GRIA1: variants seen among roughly 807,000 people sequenced by gnomAD.
GRIA1 encodes glutamate ionotropic receptor AMPA type subunit 1, also known as glutamate receptor 1.
GRIA1 carries 31 observed loss-of-function variants against 99.2 expected under a neutral mutation model. The observed-to-expected ratio is 0.31, with a 90% CI of 0.23 to 0.42. The LOEUF (loss-of-function observed/expected upper bound fraction) is 0.42. Ranked by LOEUF, GRIA1 falls within the 10% of genes least tolerant of loss-of-function variation. The pLI, the probability that GRIA1 is intolerant of heterozygous loss-of-function variation, is 1.00. For missense variants in GRIA1, 782 were observed against 1,157.5 expected, an observed-to-expected ratio of 0.68 and a Z score of 4.71; for synonymous variants, 438 against 432.4, an observed-to-expected ratio of 1.01 and a Z score of -0.16.
At chr5:153,623,397 C>G (rs774575428) in intron 2 of GRIA1, among the ~76,000 whole-genome samples, 1 of 152,120 alleles carries the variant, frequency 6.6e-6, no homozygotes, top group Non-Finnish European at 1.5e-5. Context: ...CTTCAAGGAA[C>G]CTTAGAGCTC....
rs1422950576 is a variant in GRIA1 at position 153,804,728 on chromosome 5, AATTAATTT to A, written c.2520+2242_2520+2249del. Among the ~76,000 whole-genome samples, 26 of 136,194 alleles carry A rather than the reference AATTAATTT, an allele frequency of 1.9e-4. 1 individual carries two copies. The highest frequency in any genetic ancestry group is 4.1e-4 in the African/African-American group (15 of 36,928). The allele number at this position is 136,194 out of a possible 152,430, so 89.3% of individuals were successfully genotyped here. On this transcript the variant is annotated intron_variant, in intron 15 of 15. Coordinates refer to ENST00000285900, the MANE Select transcript of GRIA1 (RefSeq NM_000827.4). Reference sequence around the variant, plus strand: ...TCTGATCCTTATTAATTAATTAATTAATTAATTTATTTATTTATTTATTTATTTATTTA... The same window carrying A: ...TCTGATCCTTATTAATTAATTAATTAATTTATTTATTTATTTATTTATTTA...
At chr5:153,674,953 A>G (rs1756459554) in intron 6 of GRIA1, among the ~76,000 whole-genome samples, 1 of 152,042 alleles carries the variant, frequency 6.6e-6, no homozygotes, top group African/African-American at 2.4e-5. Context: ...GGCTTCTTGT[A>G]CCTTCTTGCT....
Position 153,811,075 on chromosome 5 carries a change from G to T in GRIA1, c.2571G>T (p.Ser857=). The stretch of plus-strand genomic sequence containing the variant: ...CCATCAACGAAGCCATACGGACATC[G>T]ACCCTCCCCCGCAACAGCGGGGCAG... ...QQSINEAIRT[S]TLPRNSGAGA... Residue 857 remains serine (S), a synonymous_variant, in exon 16 of 16, where the codon TCG becomes TCT. Transcript: ENST00000285900. The T allele has an allele frequency of 6.2e-7, 1 of 1,614,030 alleles. No individual in the cohort carries two copies. The highest frequency in any genetic ancestry group is 8.5e-7 in the Non-Finnish European group (1 of 1,179,968).
chr5:153,730,430 A>G (rs1052692549), intron 11 of GRIA1, among the ~76,000 whole-genome samples: 1 of 152,096 alleles, frequency 6.6e-6, no homozygotes, highest in Non-Finnish European at 1.5e-5. Context: ...AGCATGTAAC[A>G]GTACATTTTT....
chr5:153,565,650 TTCTGTAGATTTG>T (rs1369845624), intron 2 of GRIA1, among the ~76,000 whole-genome samples: 2 of 152,164 alleles, frequency 1.3e-5, no homozygotes, highest in East Asian at 3.9e-4. Context: ...TACCTTCTAT[TTCTGTAGATTTG>T]CCTATTCTGA....
intron 11 of GRIA1, among the ~76,000 whole-genome samples, chr5:153,740,650 A>G (rs1761716915): frequency 6.6e-6 from 1 of 152,228 alleles, no homozygotes. Flanking sequence ...TCCACCAGAT[A>G]TATCCAGCTC....
intron 2 of GRIA1, among the ~76,000 whole-genome samples, chr5:153,602,080 C>G (rs968319722): frequency 6.6e-6 from 1 of 152,134 alleles, no homozygotes; most frequent in African/African-American, 2.4e-5. Context: ...CACATGCACA[C>G]TTATGTTTAT....
At position 153,706,003 on chromosome 5, in the gene GRIA1, A is replaced by T; in HGVS notation, c.1759A>T (p.Ile587Leu). Reference protein sequence around the residue: ...TTSDQSNEFGIFNSLWFSLGA... With the variant: ...TTSDQSNEFGLFNSLWFSLGA... ...CAGTGACCAGTCCAATGAGTTTGGGATATTCAACAGTTTGTGGTTCTCCCT... is the reference window on the plus strand; with the variant it reads ...CAGTGACCAGTCCAATGAGTTTGGGTTATTCAACAGTTTGTGGTTCTCCCT... Residue 587 changes from isoleucine to leucine, a missense_variant, in exon 11 of 16, where the codon ATA becomes TTA. Transcript: ENST00000285900. 1 of 1,613,952 alleles carries T rather than the reference A, an allele frequency of 6.2e-7. No homozygotes were observed. The highest frequency in any genetic ancestry group is 8.5e-7 in the Non-Finnish European group (1 of 1,179,902).
intron 2 of GRIA1, among the ~76,000 whole-genome samples, chr5:153,546,849 G>A (rs1225282435): frequency 6.6e-6 from 1 of 152,204 alleles, no homozygotes; most frequent in Non-Finnish European, 1.5e-5. Flanking sequence ...TATTGTAGTT[G>A]AAGGGCAGAG....
At chr5:153,790,983 AC>A (rs1423790862) in intron 13 of GRIA1, among the ~76,000 whole-genome samples, 2 of 152,132 alleles carry the variant, frequency 1.3e-5, no homozygotes, top group Non-Finnish European at 2.9e-5. Flanking sequence ...GTGAAATACA[AC>A]CTTTTCTGGA....
chr5:153,749,040 C>T (rs1418885042), intron 11 of GRIA1, among the ~76,000 whole-genome samples: 4 of 152,056 alleles, frequency 2.6e-5, no homozygotes, highest in Admixed American at 1.3e-4. Flanking sequence ...GAGCTTTGGG[C>T]ACAGCAATAG....
chr5:153,796,760 G>A (rs558140497), intron 14 of GRIA1, among the ~76,000 whole-genome samples: 1 of 152,112 alleles, frequency 6.6e-6, no homozygotes, highest in Non-Finnish European at 1.5e-5. Context: ...ATGAATTCAT[G>A]AACTGAGCTT....
chr5:153,511,257 G>C (rs1756042922), intron 2 of GRIA1, among the ~76,000 whole-genome samples: 1 of 152,160 alleles, frequency 6.6e-6, no homozygotes, highest in Non-Finnish European at 1.5e-5. Context: ...AAATAAAGGT[G>C]AACCCAGGGC....
chr5:153,648,744 G>A (rs936544666), intron 3 of GRIA1, among the ~76,000 whole-genome samples: 31 of 152,058 alleles, frequency 2.0e-4, no homozygotes, highest in African/African-American at 7.5e-4. Flanking sequence ...CTGTGGAAGA[G>A]GTTAACTGTG....
At chr5:153,707,421 G>A (rs1758980372) in intron 11 of GRIA1, among the ~76,000 whole-genome samples, 1 of 152,196 alleles carries the variant, frequency 6.6e-6, no homozygotes, top group South Asian at 2.1e-4. Flanking sequence ...TTCTGGATGT[G>A]CATGCCACAA....
intron 11 of GRIA1, among the ~76,000 whole-genome samples, chr5:153,716,333 G>A (rs1239615851): frequency 6.6e-6 from 1 of 152,142 alleles, no homozygotes; most frequent in Non-Finnish European, 1.5e-5. Flanking sequence ...ATTTATCCTT[G>A]ACACACAGCT....
At chr5:153,754,416 C>T (rs143827245) in intron 11 of GRIA1, among the ~76,000 whole-genome samples, 13 of 152,152 alleles carry the variant, frequency 8.5e-5, no homozygotes, top group African/African-American at 2.9e-4. Flanking sequence ...ATTCAGTAGG[C>T]GGGGATGTAG....
At chr5:153,714,581 T>C (rs1184239729) in intron 11 of GRIA1, among the ~76,000 whole-genome samples, 1 of 152,338 alleles carries the variant, frequency 6.6e-6, no homozygotes, top group South Asian at 2.1e-4. Flanking sequence ...TTGTTTTTCT[T>C]TTAAACCCTC....
chr5:153,566,384 G>A (rs909739051), intron 2 of GRIA1, among the ~76,000 whole-genome samples: 3 of 137,800 alleles, frequency 2.2e-5, no homozygotes, highest in Non-Finnish European at 4.5e-5. Context: ...TTGGCTCACT[G>A]CAACCTCCGC....
Sources: allele counts gnomAD v4.1 joint callset (sites outside exome capture counted in the v4.1 genomes callset), GRCh38; gene constraint gnomAD v4.1.1; transcripts MANE v1.5; gene names NCBI Gene and HGNC (gene_info 2026-07-23, HGNC 2026-07-21).